AP3B1: variants seen among roughly 807,000 people sequenced by gnomAD.
AP3B1 encodes the protein AP-3 complex subunit beta-1.
Under a neutral mutation model 132.5 loss-of-function variants are expected in AP3B1, and 61 were observed. The ratio of observed to expected loss-of-function variants is 0.46; its 90% CI spans 0.37 to 0.57. AP3B1 has a LOEUF of 0.57. Among genes scored for constraint, AP3B1 ranks in the 20% least tolerant of loss-of-function variants. AP3B1 has a pLI of 0.00. For synonymous variants in AP3B1, 388 were observed against 438.3 expected, an observed-to-expected ratio of 0.89 and a Z score of 1.43; for missense variants, 1,120 against 1,289.4, an observed-to-expected ratio of 0.87 and a Z score of 2.01.
chr5:78,179,300 G>C (rs1261244509), intron 8 of AP3B1, among the ~76,000 whole-genome samples: 1 of 152,162 alleles, frequency 6.6e-6, no homozygotes, highest in Non-Finnish European at 1.5e-5. Flanking sequence ...CTACTGGCAA[G>C]AAAGCAAACT....
intron 25 of AP3B1, 37 bp downstream of exon 25, chr5:78,020,652 TTGG>T: frequency 7.0e-7 from 1 of 1,432,824 alleles, no homozygotes; most frequent in Non-Finnish European, 9.8e-7. Flanking sequence ...CACATATTAT[TTGG>T]TATGTAAATT....
At chr5:78,007,124 C>A (rs1383322243) in intron 26 of AP3B1, among the ~76,000 whole-genome samples, 1 of 152,182 alleles carries the variant, frequency 6.6e-6, no homozygotes, top group Non-Finnish European at 1.5e-5. Context: ...GGCTATAAAT[C>A]ATACATGTTC....
intron 11 of AP3B1, among the ~76,000 whole-genome samples, chr5:78,173,293 T>A (rs1312117697): frequency 6.6e-6 from 1 of 152,152 alleles, no homozygotes; most frequent in Non-Finnish European, 1.5e-5. Flanking sequence ...CAGAGCTGAG[T>A]TCAAGGCCTG....
chr5:78,046,951 G>A (rs1455240378), intron 22 of AP3B1, among the ~76,000 whole-genome samples: 1 of 152,092 alleles, frequency 6.6e-6, no homozygotes, highest in Non-Finnish European at 1.5e-5. Context: ...AGAACATGCG[G>A]TGTTTGGTTT....
chr5:78,015,624 C>T (rs1746827039), intron 25 of AP3B1, 76 bp from the exon 26 acceptor site: 1 of 1,508,988 alleles, frequency 6.6e-7, no homozygotes, highest in East Asian at 2.3e-5. Context: ...AAGCTCATGG[C>T]CAAAATTTTA....
At chr5:78,125,104 G>A (rs1219518200) in intron 17 of AP3B1, among the ~76,000 whole-genome samples, 1 of 152,162 alleles carries the variant, frequency 6.6e-6, no homozygotes, top group Non-Finnish European at 1.5e-5. Flanking sequence ...TTTCTGTAAA[G>A]GATAAAATAT....
intron 22 of AP3B1, among the ~76,000 whole-genome samples, chr5:78,039,768 A>C (rs1747978367): frequency 7.0e-6 from 1 of 142,384 alleles, no homozygotes; most frequent in African/African-American, 2.7e-5. Context: ...ACAGAGCGAG[A>C]CTCCGTCTCA....
At chr5:78,211,406 C>T (rs1745731113) in intron 7 of AP3B1, among the ~76,000 whole-genome samples, 1 of 152,140 alleles carries the variant, frequency 6.6e-6, no homozygotes, top group South Asian at 2.1e-4. Context: ...TATAAACAGC[C>T]TAAATACTGA....
intron 12 of AP3B1, among the ~76,000 whole-genome samples, chr5:78,163,664 C>T (rs1320978814): frequency 1.4e-5 from 2 of 146,398 alleles, no homozygotes; most frequent in African/African-American, 5.0e-5. Context: ...CACACACACA[C>T]ATATATATAT....
intron 6 of AP3B1, among the ~76,000 whole-genome samples, chr5:78,217,285 T>C (rs1746002687): frequency 6.6e-6 from 1 of 152,160 alleles, no homozygotes; most frequent in South Asian, 2.1e-4. Context: ...CAACCAACAA[T>C]ACAATTGAAA....
chr5:78,100,635 C>T (rs1751087680), intron 21 of AP3B1, among the ~76,000 whole-genome samples: 1 of 152,208 alleles, frequency 6.6e-6, no homozygotes, highest in Non-Finnish European at 1.5e-5. Context: ...CCATAATCCA[C>T]ATTTCACAAT....
intron 2 of AP3B1, among the ~76,000 whole-genome samples, chr5:78,247,840 A>G (rs375337311): frequency 3.0e-4 from 46 of 152,326 alleles, no homozygotes; most frequent in African/African-American, 1.1e-3. Flanking sequence ...AATTATTAAC[A>G]TGGTTAGATT....
intron 22 of AP3B1, among the ~76,000 whole-genome samples, chr5:78,039,592 G>A (rs1045548824): frequency 7.2e-5 from 11 of 151,920 alleles, no homozygotes; most frequent in Non-Finnish European, 1.0e-4. Flanking sequence ...TCGCTAACAC[G>A]GTGAAACTCC....
chr5:78,095,234 C>T (rs966264075), intron 21 of AP3B1, among the ~76,000 whole-genome samples: 2 of 152,256 alleles, frequency 1.3e-5, no homozygotes, highest in East Asian at 1.9e-4. Flanking sequence ...TTAACATTTC[C>T]TGAATGAAGA....
At position 78,278,053 on chromosome 5, in the gene AP3B1, T is replaced by C. The variant is rs1224876348; in HGVS notation, c.129-10458A>G. 2.0e-5 allele frequency among the ~76,000 whole-genome samples: 3 copies of C among 152,192 alleles called. No homozygotes were observed. The East Asian group carries it at 5.8e-4, about 29-fold the overall frequency. On this transcript the variant is annotated intron_variant, in intron 1 of 26. Coordinates refer to ENST00000255194, the MANE Select transcript of AP3B1 (RefSeq NM_003664.5). ...TCTAGAATGTGACTATTCAGTAGTA[T>C]ATTTGTTAATGTTTCCTTTTATTGC...
At chr5:78,165,717 G>T in intron 11 of AP3B1, 45 bp from the exon 12 acceptor site, 1 of 1,312,144 alleles carries the variant, frequency 7.6e-7, no homozygotes, top group Non-Finnish European at 1.1e-6. Flanking sequence ...AACAAAGGTA[G>T]CAAGATGAAT....
rs901101633 is a variant in AP3B1 at position 78,225,720 on chromosome 5, A to G, written c.537-112T>C. On this transcript the variant is annotated intron_variant, in intron 5 of 26. Transcript: ENST00000255194. The stretch of plus-strand genomic sequence containing the variant: ...TTTAAAGAGGGAAAGGAGAGCAAGA[A>G]TTATAAGTTAGAAATAAAGAAAAAC... The G allele has an allele frequency of 7.6e-6, 5 of 660,232 alleles. No homozygotes were observed. The Admixed American group carries it at 1.3e-4, about 18-fold the overall frequency. The allele number at this position is 660,232 out of a possible 1,614,324, so 40.9% of individuals were successfully genotyped here. A position where few individuals can be genotyped will look rare whatever the true frequency, so the allele number is the denominator to read the frequency against.
chr5:78,073,625 C>G (rs563030364), intron 22 of AP3B1, among the ~76,000 whole-genome samples: 119 of 151,808 alleles, frequency 7.8e-4, no homozygotes, highest in African/African-American at 2.8e-3. Flanking sequence ...ATATTTTCAC[C>G]GAAGATGACA....
intron 11 of AP3B1, among the ~76,000 whole-genome samples, chr5:78,168,485 A>C (rs978301606): frequency 6.6e-6 from 1 of 151,990 alleles, no homozygotes; most frequent in African/African-American, 2.4e-5. Flanking sequence ...CAGCCTCCCA[A>C]AGTCCTAGGA....
Sources: gnomAD v4.1 joint callset for allele counts (sites outside exome capture counted in the v4.1 genomes callset) on GRCh38, gnomAD v4.1.1 for gene constraint, MANE v1.5 for transcripts, NCBI Gene and HGNC (gene_info 2026-07-23, HGNC 2026-07-21) for gene names.